The following ADGRB1 variants were observed in gnomAD, a reference collection of about 807,000 sequenced individuals.
ADGRB1 encodes the protein adhesion G protein-coupled receptor B1, also known as brain-specific angiogenesis inhibitor 1.
A neutral mutation model predicts 175.7 loss-of-function variants in ADGRB1; 36 were observed. That is an observed-to-expected ratio of 0.20 (90% CI 0.16 to 0.27). The LOEUF is 0.27. Among genes scored for constraint, ADGRB1 ranks in the 10% least tolerant of loss-of-function variants. The pLI, the probability that ADGRB1 is intolerant of heterozygous loss-of-function variation, is 1.00. For missense variants in ADGRB1, 1,731 were observed against 2,255.3 expected (o/e 0.77, Z 4.71); for synonymous variants, 1,054 against 979.4 (o/e 1.08, Z -1.42).
chr8:142,499,094 C>G (rs967914354), intron 17 of ADGRB1, among the ~76,000 whole-genome samples: 2 of 152,344 alleles, frequency 1.3e-5, no homozygotes, highest in African/African-American at 2.4e-5. Flanking sequence ...TGGGGGAGCC[C>G]GTGGGCTGCG....
rs892561117 is a variant in ADGRB1, at chr8:142,481,241, A to G, written c.1829-13A>G. On this transcript the variant is annotated splice_polypyrimidine_tract_variant and intron_variant, in intron 9 of 30. Transcript: ENST00000517894. ...CAGCGGGCATCCACCTGAGAAGGGG[A>G]TGGTCTCCCCAGGACTCATCCTGCG... The G allele has an allele frequency of 1.9e-6, 3 of 1,612,530 alleles. No individual in the cohort carries two copies. Among genetic ancestry groups the G allele is most frequent in the Non-Finnish European group, 2.5e-6 (3 of 1,179,068 alleles).
rs537679855 is a variant in ADGRB1 at position 142,532,367 on chromosome 8, G to C, written c.3399-928G>C. Among the ~76,000 whole-genome samples the C allele has an allele frequency of 2.6e-3, 401 of 152,366 alleles. 1 individual carries two copies. Among genetic ancestry groups the C allele is most frequent in the Admixed American group, 5.1e-3 (78 of 15,314 alleles). ...GCTCAGAGGCCACGCGCGGAACCCA[G>C]TGGGTGGATGTGGGGAGGGGCCCAG... On this transcript the variant is annotated intron_variant, in intron 24 of 30. Transcript: ENST00000517894.
intron 25 of ADGRB1, 98 bp downstream of exon 25, chr8:142,533,564 GGTAGGC>G (rs1844751577): frequency 5.8e-6 from 8 of 1,380,602 alleles, no homozygotes; most frequent in Non-Finnish European, 6.8e-6. Flanking sequence ...GGAGATTGTG[GGTAGGC>G]GCAGCATCCA....
At position 142,511,028 on chromosome 8, in the gene ADGRB1, C is replaced by T; in HGVS notation, c.2772C>T (p.Asp924=). ...CCCTCCGGACGCGCTGCCTCTGTGA[C>T]CGGCTCTCCACCTTCGCCATCTTAG... ...LDALRTRCLC[D]RLSTFAILAQ... The change falls in exon 18 of 31, where the codon GAC becomes GAT. Residue 924 remains aspartate, a synonymous_variant. Transcript: ENST00000517894. The surrounding 1 kb of genome is among the most constrained non-coding windows in gnomAD (Gnocchi z 4.5). The T allele has an allele frequency of 7.6e-7, 1 of 1,311,416 alleles. No homozygotes were observed. Among genetic ancestry groups the T allele is most frequent in the Non-Finnish European group, 9.9e-7 (1 of 1,012,738 alleles). The allele number at this position is 1,311,416 out of a possible 1,614,324, so 81.2% of individuals were successfully genotyped here. A position where few individuals can be genotyped will look rare whatever the true frequency, so the allele number is the denominator to read the frequency against.
Position 142,464,084 on chromosome 8 carries a change from CCGCCTCCCTG to C in ADGRB1, c.-113_-104del. 4 of 764,534 alleles carry C rather than the reference CCGCCTCCCTG, an allele frequency of 5.2e-6. No homozygotes were observed. Among genetic ancestry groups the C allele is most frequent in the East Asian group, 4.7e-5 (1 of 21,286 alleles). The allele number at this position is 764,534 out of a possible 1,614,324, so 47.4% of individuals were successfully genotyped here. ...GGCCCTCTCCCATCCCACCCTTGCCCCGCCTCCCTGCCCCCACCGGGCCGGCCCTGCCCGC... is the reference window on the plus strand; with the variant it reads ...GGCCCTCTCCCATCCCACCCTTGCCCCCCCCACCGGGCCGGCCCTGCCCGC... On this transcript the variant is annotated 5_prime_UTR_variant, in exon 2 of 31. Coordinates refer to ENST00000517894, the MANE Select transcript of ADGRB1 (RefSeq NM_001702.3).
chr8:142,520,989 G>A, intron 20 of ADGRB1, 64 bp downstream of exon 20: 1 of 1,487,698 alleles, frequency 6.7e-7, no homozygotes, highest in Non-Finnish European at 9.3e-7. Flanking sequence ...ATGGACCCCA[G>A]GAGGGGCCTG....
chr8:142,528,936 G>A (rs976782910), intron 24 of ADGRB1, among the ~76,000 whole-genome samples: 2 of 152,226 alleles, frequency 1.3e-5, no homozygotes, highest in African/African-American at 4.8e-5. Context: ...GGAAGGAGCG[G>A]TGGTCAGTCC....
In ADGRB1 at chr8:142,506,329, C is replaced by T. The variant is rs909886453; in HGVS notation, c.2676-4603C>T. Among the ~76,000 whole-genome samples, 26 of 152,142 alleles carry T rather than the reference C, an allele frequency of 1.7e-4. 1 individual carries two copies. The highest frequency in any genetic ancestry group is 4.8e-4 in the African/African-American group (20 of 41,422). ...GGATTCCTGTCTGAGGGTCCCAGGT[C>T]GCTCTAGGTCCCCACTCCTCTTGGG... is the stretch of plus-strand genomic sequence containing the variant. On this transcript the variant is annotated intron_variant, in intron 17 of 30. Coordinates refer to ENST00000517894, the MANE Select transcript of ADGRB1 (RefSeq NM_001702.3).
rs1018383829 is a variant in ADGRB1, at chr8:142,493,599, T to C, written c.2675+2784T>C. Among the ~76,000 whole-genome samples, 1 of 152,234 alleles carries C rather than the reference T, an allele frequency of 6.6e-6. No individual in the cohort carries two copies. Among genetic ancestry groups the C allele is most frequent in the Admixed American group, 6.5e-5 (1 of 15,292 alleles). The stretch of plus-strand genomic sequence containing the variant: ...GCCCACGCAGTGCCTGGCAGCATTG[T>C]GCCCAAGTTGCCTCTTGGGTCCTTG... On this transcript the variant is annotated intron_variant, in intron 17 of 30. Coordinates refer to ENST00000517894, the MANE Select transcript of ADGRB1 (RefSeq NM_001702.3). The surrounding 1 kb of genome is among the most constrained non-coding windows in gnomAD (Gnocchi z 5.0).
chr8:142,532,355 G>A (rs753612451), intron 24 of ADGRB1, among the ~76,000 whole-genome samples: 38 of 152,328 alleles, frequency 2.5e-4, no homozygotes, highest in East Asian at 9.7e-4. Flanking sequence ...CAGAGGCCAC[G>A]CGCGGAACCC....
intron 18 of ADGRB1, among the ~76,000 whole-genome samples, chr8:142,512,971 G>T: frequency 6.6e-6 from 1 of 152,126 alleles, no homozygotes; most frequent in Admixed American, 6.5e-5. Context: ...ACAGCAGCGG[G>T]GGGCGGGGGT....
intron 1 of ADGRB1, among the ~76,000 whole-genome samples, chr8:142,461,428 G>A (rs894737422): frequency 6.6e-6 from 1 of 152,246 alleles, no homozygotes; most frequent in African/African-American, 2.4e-5. Context: ...CAGTCCACAC[G>A]GCGTTGCGGA....
chr8:142,500,221 C>T (rs1414670318), intron 17 of ADGRB1, among the ~76,000 whole-genome samples: 1 of 139,980 alleles, frequency 7.1e-6, no homozygotes, highest in African/African-American at 2.6e-5. Flanking sequence ...CACTTCCCCC[C>T]GCGCCGCTCC....
rs1488443429 is a variant in ADGRB1 at position 142,458,169 on chromosome 8, G to T, written c.-219-5811G>T. ...CTGGGCCCAGGGTCGGGTCTGTCCA[G>T]TGTGGACTGGACCCAGAGCGGGCAT... is the stretch of plus-strand genomic sequence containing the variant. On this transcript the variant is annotated intron_variant, in intron 1 of 30. Coordinates refer to ENST00000517894, the MANE Select transcript of ADGRB1 (RefSeq NM_001702.3). Among the ~76,000 whole-genome samples, 3 of 152,312 alleles carry T rather than the reference G, an allele frequency of 2.0e-5. No individual in the cohort carries two copies. In the East Asian group the frequency reaches 5.8e-4, roughly 29 times the overall value.
At chr8:142,522,332 G>A (rs1374466182) in intron 21 of ADGRB1, among the ~76,000 whole-genome samples, 2 of 152,158 alleles carry the variant, frequency 1.3e-5, no homozygotes, top group South Asian at 2.1e-4. Flanking sequence ...TAACGAAAAC[G>A]TTTCTAGCAC....
chr8:142,484,527 C>A, intron 12 of ADGRB1, 129 bp from the exon 13 acceptor site: 1 of 972,410 alleles, frequency 1.0e-6, no homozygotes, highest in Non-Finnish European at 1.5e-6. Context: ...ACTCAGAGGT[C>A]ACCAGCCCCA....
chr8:142,477,625 C>A, intron 6 of ADGRB1, 76 bp downstream of exon 6: 1 of 1,515,562 alleles, frequency 6.6e-7, no homozygotes. Flanking sequence ...CGGCCAGGCC[C>A]AGGAGCCCAG....
chr8:142,479,591 T>C, intron 8 of ADGRB1, 102 bp from the exon 9 acceptor site: 1 of 1,546,754 alleles, frequency 6.5e-7, no homozygotes, highest in Non-Finnish European at 8.7e-7. Context: ...GCTCCCGTCC[T>C]GTCCTCATAA....
intron 23 of ADGRB1, among the ~76,000 whole-genome samples, chr8:142,524,714 C>T (rs1844071029): frequency 6.6e-6 from 1 of 152,140 alleles, no homozygotes; most frequent in Non-Finnish European, 1.5e-5. Flanking sequence ...AGGCTGGTGA[C>T]CGCGGCTGCT....
Sources: allele counts gnomAD v4.1 joint callset (sites outside exome capture counted in the v4.1 genomes callset), GRCh38; gene constraint gnomAD v4.1.1; non-coding constraint Gnocchi (gnomAD v3.1); transcripts MANE v1.5; gene names NCBI Gene and HGNC (gene_info 2026-07-23, HGNC 2026-07-21).